The following NTN1 variants were observed in gnomAD, a reference collection of about 807,000 sequenced individuals.
NTN1 encodes netrin-1.
In NTN1, 11 loss-of-function variants were observed where a neutral mutation model predicts 54.2. The ratio of observed to expected loss-of-function variants is 0.20; its 90% CI spans 0.13 to 0.34. The LOEUF is 0.34. NTN1 is among the 10% of genes least tolerant of loss of function. The probability of loss-of-function intolerance (pLI) is 1.00; values close to 1 mark genes in which losing one functional copy is unlikely to be tolerated. For missense variants in NTN1, 740 were observed against 893.1 expected (o/e 0.83, Z 2.18); for synonymous variants, 371 against 382.0 (o/e 0.97, Z 0.33).
At chr17:9,236,643 T>C (rs756820630) in intron 6 of NTN1, among the ~76,000 whole-genome samples, 1 of 152,210 alleles carries the variant, frequency 6.6e-6, no homozygotes, top group Non-Finnish European at 1.5e-5. Context: ...TGCTGAGATC[T>C]GCTGGGGGTG....
At chr17:9,238,861 A>C (rs1906085792) in intron 6 of NTN1, among the ~76,000 whole-genome samples, 1 of 152,260 alleles carries the variant, frequency 6.6e-6, no homozygotes, top group Admixed American at 6.5e-5. Context: ...GGCCTCACCC[A>C]GATCTGTTCA....
intron 2 of NTN1, among the ~76,000 whole-genome samples, chr17:9,100,180 ATGTG>A (rs34147210): frequency 5.0e-4 from 76 of 151,038 alleles, no homozygotes; most frequent in South Asian, 1.9e-3. Flanking sequence ...CTATGTGTAT[ATGTG>A]TGTATATATA....
chr17:9,095,365 A>G (rs763379998), intron 2 of NTN1, among the ~76,000 whole-genome samples: 3 of 152,226 alleles, frequency 2.0e-5, no homozygotes, highest in Non-Finnish European at 4.4e-5. Context: ...ATATTCATCT[A>G]CTTTTTAGTG....
At chr17:9,152,997 G>A (rs574124620) in intron 2 of NTN1, among the ~76,000 whole-genome samples, 5 of 152,254 alleles carry the variant, frequency 3.3e-5, no homozygotes, top group African/African-American at 1.2e-4. Context: ...GGCCAGGTGC[G>A]GTGCTTCATG....
rs1373065379 is a variant in NTN1 at position 9,135,658 on chromosome 17, A to G, written c.1019-27155A>G. ...TGGAGCCTCTGCTTTTTCTGTAGAG[A>G]CTGGACTCTTACTTCTTCTAAGCTG... On this transcript the variant is annotated intron_variant, in intron 2 of 6. Coordinates refer to ENST00000173229, the MANE Select transcript of NTN1 (RefSeq NM_004822.3). The surrounding 1 kb of genome is among the most constrained non-coding windows in gnomAD (Gnocchi z 4.4). 6.6e-6 allele frequency among the ~76,000 whole-genome samples: 1 copy of G among 152,042 alleles called. No homozygotes were observed. Among genetic ancestry groups the G allele is most frequent in the Non-Finnish European group, 1.5e-5 (1 of 68,006 alleles).
At position 9,168,445 on chromosome 17, in the gene NTN1, T is replaced by C. The variant is rs554695481; in HGVS notation, c.1207+5444T>C. ...TACTTGGGAGGCTGAGGCAGGAGAATTGCTTGAACCCAGGAGGCAGAGGTT... is the reference window on the plus strand; with the variant it reads ...TACTTGGGAGGCTGAGGCAGGAGAACTGCTTGAACCCAGGAGGCAGAGGTT... On this transcript the variant is annotated intron_variant, in intron 3 of 6. Coordinates refer to ENST00000173229, the MANE Select transcript of NTN1 (RefSeq NM_004822.3). Among the ~76,000 whole-genome samples the C allele has an allele frequency of 4.6e-5, 7 of 152,166 alleles. 1 individual carries two copies. In the South Asian group the frequency reaches 1.5e-3, roughly 32 times the overall value.
chr17:9,234,964 G>GTTTTTTTT (rs10650921), intron 6 of NTN1, among the ~76,000 whole-genome samples: 4 of 130,080 alleles, frequency 3.1e-5, no homozygotes, highest in South Asian at 4.8e-4. Flanking sequence ...TTGTTTTTTG[G>GTTTTTTTT]TTTTTTTTTT....
rs201184786 is a variant in NTN1 at position 9,182,975 on chromosome 17, C to A, written c.1411+6C>A. On this transcript the variant is annotated splice_donor_region_variant and intron_variant, in intron 5 of 6. Coordinates refer to ENST00000173229, the MANE Select transcript of NTN1 (RefSeq NM_004822.3). ...CAGCGTGGAGGAGCCTGAAGGTAAACGGCCCCCTTCGCTTCTCATTTCCCG... is the reference window on the plus strand; with the variant it reads ...CAGCGTGGAGGAGCCTGAAGGTAAAAGGCCCCCTTCGCTTCTCATTTCCCG... 1 of 1,613,778 alleles carries A rather than the reference C, an allele frequency of 6.2e-7. No homozygotes were observed. Among genetic ancestry groups the A allele is most frequent in the African/African-American group, 1.3e-5 (1 of 74,978 alleles).
chr17:9,043,360 T>C (rs1410239336), intron 2 of NTN1, among the ~76,000 whole-genome samples: 1 of 152,220 alleles, frequency 6.6e-6, no homozygotes, highest in Non-Finnish European at 1.5e-5. Context: ...TTAAAAAATC[T>C]ATAACACTGT....
chr17:9,038,945 GAGGTA>G (rs931596247), intron 2 of NTN1, among the ~76,000 whole-genome samples: 1 of 152,140 alleles, frequency 6.6e-6, no homozygotes, highest in Admixed American at 6.5e-5. Flanking sequence ...CATATGGTGT[GAGGTA>G]AGGATATCCA....
intron 6 of NTN1, among the ~76,000 whole-genome samples, chr17:9,225,942 A>G (rs1052588901): frequency 6.6e-6 from 1 of 152,102 alleles, no homozygotes; most frequent in Admixed American, 6.5e-5. Flanking sequence ...GGCCTCGCAG[A>G]CCTTGCCCTC....
At chr17:9,202,726 T>C (rs1904836675) in intron 5 of NTN1, among the ~76,000 whole-genome samples, 1 of 152,208 alleles carries the variant, frequency 6.6e-6, no homozygotes, top group South Asian at 2.1e-4. Context: ...CTTTTTTGCC[T>C]TATTAAGCAA....
chr17:9,178,617 T>G (rs1260668386), intron 3 of NTN1, among the ~76,000 whole-genome samples: 1 of 152,168 alleles, frequency 6.6e-6, no homozygotes, highest in Non-Finnish European at 1.5e-5. Flanking sequence ...CTCACTTGCA[T>G]TCTTGGGTTT....
chr17:9,124,550 G>A (rs776636301), intron 2 of NTN1, among the ~76,000 whole-genome samples: 26 of 152,206 alleles, frequency 1.7e-4, no homozygotes, highest in Admixed American at 3.3e-4. Context: ...TTTCCTTTCC[G>A]ACAGTGATGA....
At chr17:9,075,411 G>A (rs1057079985) in intron 2 of NTN1, among the ~76,000 whole-genome samples, 1 of 152,178 alleles carries the variant, frequency 6.6e-6, no homozygotes, top group Non-Finnish European at 1.5e-5. Context: ...GAACCTGGAA[G>A]GTGGAGGTTG....
At chr17:9,150,033 C>T (rs979693538) in intron 2 of NTN1, among the ~76,000 whole-genome samples, 7 of 152,160 alleles carry the variant, frequency 4.6e-5, no homozygotes, top group African/African-American at 1.7e-4. Flanking sequence ...GAAACTCCAT[C>T]TCTACTAAAA....
chr17:9,160,590 G>A (rs2092354466), intron 2 of NTN1, among the ~76,000 whole-genome samples: 1 of 152,244 alleles, frequency 6.6e-6, no homozygotes, highest in African/African-American at 2.4e-5. Context: ...TGTAGCAACT[G>A]TGGTTGGTAG....
intron 2 of NTN1, among the ~76,000 whole-genome samples, chr17:9,095,414 A>G (rs1281344386): frequency 6.6e-6 from 1 of 152,216 alleles, no homozygotes. Flanking sequence ...TTATACTTAA[A>G]TCTTGAATCC....
intron 6 of NTN1, among the ~76,000 whole-genome samples, chr17:9,237,808 A>G (rs1236178601): frequency 6.6e-6 from 1 of 152,130 alleles, no homozygotes; most frequent in Non-Finnish European, 1.5e-5. Flanking sequence ...CTGCACAGTC[A>G]AATACACTCG....
Sources: gnomAD v4.1 joint callset for allele counts (sites outside exome capture counted in the v4.1 genomes callset) on GRCh38, gnomAD v4.1.1 for gene constraint, Gnocchi (gnomAD v3.1) non-coding constraint, MANE v1.5 for transcripts, NCBI Gene and HGNC (gene_info 2026-07-23, HGNC 2026-07-21) for gene names.